The following ARID4B variants were observed in gnomAD, a reference collection of about 807,000 sequenced individuals.
ARID4B encodes AT-rich interactive domain-containing protein 4B.
A neutral mutation model predicts 147.5 loss-of-function variants in ARID4B; 26 were observed. The observed-to-expected ratio is 0.18, with a 90% confidence interval of 0.13 to 0.24. ARID4B has a LOEUF of 0.24. ARID4B is among the 10% of genes least tolerant of loss of function. ARID4B has a pLI of 1.00. For missense variants in ARID4B, 1,179 were observed against 1,511.5 expected (o/e 0.78, Z 3.65); for synonymous variants, 512 against 507.9 (o/e 1.01, Z -0.11).
intron 2 of ARID4B, among the ~76,000 whole-genome samples, chr1:235,271,958 TAATAATAATA>T (rs1390066446): frequency 1.7e-5 from 2 of 119,980 alleles, no homozygotes; most frequent in African/African-American, 3.1e-5. Context: ...CAAAAAGTAA[TAATAATAATA>T]AATAATAATA....
At chr1:235,287,702 A>T (rs1340705863) in intron 2 of ARID4B, among the ~76,000 whole-genome samples, 1 of 152,206 alleles carries the variant, frequency 6.6e-6, no homozygotes, top group African/African-American at 2.4e-5. Flanking sequence ...ACAAAATGAG[A>T]TACTCTTACA....
intron 7 of ARID4B, among the ~76,000 whole-genome samples, chr1:235,242,928 CTCT>C (rs1448195614): frequency 3.9e-5 from 6 of 152,098 alleles, no homozygotes; most frequent in Admixed American, 1.3e-4. Flanking sequence ...TTTCATTTTG[CTCT>C]TCATTTCCAC....
At chr1:235,307,389 G>A (rs977452459) in intron 2 of ARID4B, among the ~76,000 whole-genome samples, 3 of 152,148 alleles carry the variant, frequency 2.0e-5, no homozygotes, top group African/African-American at 7.2e-5. Context: ...CGGCTACAGT[G>A]AATTATGATC....
intron 2 of ARID4B, among the ~76,000 whole-genome samples, chr1:235,318,111 A>G (rs571835686): frequency 1.3e-5 from 2 of 152,016 alleles, no homozygotes; most frequent in Non-Finnish European, 2.9e-5. Flanking sequence ...TCGTATCTTC[A>G]TAAGATGGAC....
chr1:235,170,806 G>A (rs1044233437), intron 23 of ARID4B, among the ~76,000 whole-genome samples: 13 of 151,340 alleles, frequency 8.6e-5, no homozygotes, highest in Admixed American at 2.0e-4. Flanking sequence ...CTAGCTACCC[G>A]GGAGGCTGAG....
In ARID4B at chr1:235,168,440, A is replaced by C. The variant is rs1445389934; in HGVS notation, c.*85T>G. 4 of 1,424,066 alleles carry C rather than the reference A, an allele frequency of 2.8e-6. No individual in the cohort carries two copies. Among genetic ancestry groups the C allele is most frequent in the Non-Finnish European group, 2.8e-6 (3 of 1,065,976 alleles). 88.2% of individuals were successfully genotyped at this position (1,424,066 alleles called of 1,614,324 possible). A position where few individuals can be genotyped will look rare whatever the true frequency, so the allele number is the denominator to read the frequency against. On this transcript the variant is annotated 3_prime_UTR_variant, in exon 24 of 24. Transcript: ENST00000264183. Reference sequence around the variant, plus strand: ...TTAAATATAAAATAGTGCTTGTCTGATATTTTTTTGTGCCACTGTGCAGTA... The same window carrying C: ...TTAAATATAAAATAGTGCTTGTCTGCTATTTTTTTGTGCCACTGTGCAGTA...
At chr1:235,250,100 C>G (rs1572077238) in intron 6 of ARID4B, among the ~76,000 whole-genome samples, 1 of 151,790 alleles carries the variant, frequency 6.6e-6, no homozygotes. Context: ...GAGCGAGACT[C>G]CGTCTCAAAA....
chr1:235,269,686 ATC>A (rs904069409), intron 2 of ARID4B, among the ~76,000 whole-genome samples: 3 of 152,168 alleles, frequency 2.0e-5, no homozygotes, highest in Non-Finnish European at 4.4e-5. Flanking sequence ...CTGTGTATAT[ATC>A]TCTCTCTGTG....
chr1:235,240,605 A>G, intron 7 of ARID4B, 154 bp from the exon 8 acceptor site: 1 of 705,980 alleles, frequency 1.4e-6, no homozygotes, highest in South Asian at 1.9e-5. Context: ...ATTTCTAAAA[A>G]ATAACAGCAA....
At chr1:235,309,543 G>C (rs1466163480) in intron 2 of ARID4B, among the ~76,000 whole-genome samples, 8 of 150,260 alleles carry the variant, frequency 5.3e-5, no homozygotes, top group African/African-American at 1.5e-4. Flanking sequence ...CCGTCCGGGA[G>C]GGAGGTGGGG....
intron 19 of ARID4B, among the ~76,000 whole-genome samples, chr1:235,190,977 T>C (rs560798457): frequency 1.5e-3 from 234 of 152,350 alleles, no homozygotes; most frequent in Non-Finnish European, 2.6e-3. Context: ...AGTCTTTGAA[T>C]GCCTGAGTGA....
chr1:235,197,521 G>A (rs1046123358), intron 17 of ARID4B, among the ~76,000 whole-genome samples: 1 of 152,120 alleles, frequency 6.6e-6, no homozygotes. Context: ...CCCATGCAAG[G>A]GGTTCTGTTT....
chr1:235,246,326 G>T, intron 7 of ARID4B, 94 bp downstream of exon 7: 1 of 1,006,752 alleles, frequency 9.9e-7, no homozygotes, highest in Non-Finnish European at 1.5e-6. Context: ...GATCTGGTTA[G>T]CATTTTGCAA....
intron 9 of ARID4B, among the ~76,000 whole-genome samples, 171 bp downstream of exon 9, chr1:235,234,242 T>C (rs1668419186): frequency 3.9e-5 from 6 of 152,142 alleles, no homozygotes; most frequent in Admixed American, 3.9e-4. Flanking sequence ...ACTATAAGAC[T>C]ACAACACATT....
chr1:235,249,635 A>G (rs1433774563), intron 6 of ARID4B, among the ~76,000 whole-genome samples: 1 of 151,626 alleles, frequency 6.6e-6, no homozygotes, highest in Admixed American at 6.6e-5. Context: ...CTCTACTAAC[A>G]AATATTTAAA....
At chr1:235,308,338 T>C (rs1325202238) in intron 2 of ARID4B, among the ~76,000 whole-genome samples, 1 of 151,402 alleles carries the variant, frequency 6.6e-6, no homozygotes, top group East Asian at 2.0e-4. Flanking sequence ...TCCTCCTGAC[T>C]TCAAGTGATT....
intron 5 of ARID4B, among the ~76,000 whole-genome samples, chr1:235,255,310 A>G (rs1184534471): frequency 1.5e-5 from 2 of 129,378 alleles, no homozygotes; most frequent in African/African-American, 5.1e-5. Context: ...TACACAGTTA[A>G]AAGACATTTC....
At chr1:235,197,609 C>T (rs1338753945) in intron 17 of ARID4B, among the ~76,000 whole-genome samples, 1 of 152,084 alleles carries the variant, frequency 6.6e-6, no homozygotes, top group East Asian at 1.9e-4. Context: ...TAACATAATC[C>T]CTGCTTCCTA....
At chr1:235,240,891 G>A (rs1668941098) in intron 7 of ARID4B, among the ~76,000 whole-genome samples, 2 of 152,246 alleles carry the variant, frequency 1.3e-5, no homozygotes, top group Admixed American at 1.3e-4. Flanking sequence ...CTGAGGTTAG[G>A]TTGGGAAGAG....
Sources: allele counts gnomAD v4.1 joint callset (sites outside exome capture counted in the v4.1 genomes callset), GRCh38; gene constraint gnomAD v4.1.1; transcripts MANE v1.5; gene names NCBI Gene and HGNC (gene_info 2026-07-23, HGNC 2026-07-21).